Variants in USP31 observed in about 807,000 individuals in gnomAD.
USP31 encodes the protein ubiquitin carboxyl-terminal hydrolase 31.
A neutral mutation model predicts 119.4 loss-of-function variants in USP31; 44 were observed. The ratio of observed to expected loss-of-function variants is 0.37; its 90% CI spans 0.29 to 0.47. The LOEUF (loss-of-function observed/expected upper bound fraction) is 0.47, where lower values mean the gene tolerates loss of function less well. Among genes scored for constraint, USP31 ranks in the 20% least tolerant of loss-of-function variants. USP31 has a pLI of 0.99. For missense variants in USP31, 1,643 were observed against 1,730.2 expected (o/e 0.95, Z 0.89); for synonymous variants, 749 against 705.6 (o/e 1.06, Z -0.97).
Position 23,085,665 on chromosome 16 carries a change from A to G in USP31, c.1623-3T>C. 1 of 1,612,660 alleles carries G rather than the reference A, an allele frequency of 6.2e-7. No homozygotes were observed. The highest frequency in any genetic ancestry group is 8.5e-7 in the Non-Finnish European group (1 of 1,179,126). The stretch of plus-strand genomic sequence containing the variant: ...CTGGTCCACAAGATTTTAATGCCCT[A>G]TAGAACCAGGGAAGTGGAGAGGGAA... On this transcript the variant is annotated splice_region_variant and splice_polypyrimidine_tract_variant and intron_variant, in intron 9 of 15. Coordinates refer to ENST00000219689, the MANE Select transcript of USP31 (RefSeq NM_020718.4).
chr16:23,072,315 C>A (rs577208255), intron 14 of USP31, 118 bp from the exon 15 acceptor site: 4 of 1,385,088 alleles, frequency 2.9e-6, no homozygotes, highest in Non-Finnish European at 4.0e-6. Flanking sequence ...GTCCTCACCC[C>A]GAGGTCAGCA....
rs111474498 is a variant in USP31 at position 23,103,313 on chromosome 16, C to A, written c.1090-850G>T. Among the ~76,000 whole-genome samples, 917 of 151,772 alleles carry A rather than the reference C, an allele frequency of 6.0e-3. 7 individuals carry two copies. Among genetic ancestry groups the A allele is most frequent in the African/African-American group, 0.021 (865 of 41,414 alleles). On this transcript the variant is annotated intron_variant, in intron 5 of 15. Coordinates refer to ENST00000219689, the MANE Select transcript of USP31 (RefSeq NM_020718.4). ...GGATATTTGTATTGAAAAAAAAAATCAACTCAAATGTCCAAAAATACTAAC... is the reference window on the plus strand; with the variant it reads ...GGATATTTGTATTGAAAAAAAAAATAAACTCAAATGTCCAAAAATACTAAC...
At chr16:23,093,917 T>A (rs1901484073) in intron 6 of USP31, among the ~76,000 whole-genome samples, 1 of 152,194 alleles carries the variant, frequency 6.6e-6, no homozygotes, top group Non-Finnish European at 1.5e-5. Context: ...GGTCTGCAGC[T>A]CCCAGCATGA....
At chr16:23,086,916 G>A (rs193235176) in intron 9 of USP31, among the ~76,000 whole-genome samples, 176 bp downstream of exon 9, 1 of 152,114 alleles carries the variant, frequency 6.6e-6, no homozygotes, top group East Asian at 1.9e-4. Flanking sequence ...CTTATTTCAA[G>A]AAAGATCATC....
intron 15 of USP31, among the ~76,000 whole-genome samples, chr16:23,071,025 A>C (rs1900321786): frequency 6.6e-6 from 1 of 152,220 alleles, no homozygotes; most frequent in South Asian, 2.1e-4. Context: ...GGCAGTACTG[A>C]AAATAACCTC....
In USP31 at chr16:23,069,752, G is replaced by C. The variant is rs1057300287; in HGVS notation, c.2489-136C>G. 5 of 1,174,010 alleles carry C rather than the reference G, an allele frequency of 4.3e-6. No individual in the cohort carries two copies. The African/African-American group carries it at 7.8e-5, about 18-fold the overall frequency. The allele number at this position is 1,174,010 out of a possible 1,614,324, so 72.7% of individuals were successfully genotyped here. On this transcript the variant is annotated intron_variant, in intron 15 of 15. Transcript: ENST00000219689. ...TGACCTTCAGAGCCAGCCCATCTGG[G>C]ATCAAGGAGTCCCTGTGTGGCTTTG...
intron 1 of USP31, among the ~76,000 whole-genome samples, chr16:23,129,052 T>C (rs556243958): frequency 1.8e-4 from 28 of 152,326 alleles, no homozygotes; most frequent in African/African-American, 6.5e-4. Flanking sequence ...GGGCTGGTCT[T>C]ACATATGCCT....
rs542478639 is a variant in USP31 at position 23,063,687 on chromosome 16, A to C, written c.*4359T>G. On this transcript the variant is annotated 3_prime_UTR_variant, in exon 16 of 16. Transcript: ENST00000219689. ...TCTTCTACACAATGATGAGTAAGCC[A>C]TATTTTGAAAATCACAAATTTAAAA... 6.6e-6 allele frequency: 1 copy of C among 152,270 alleles called. No individual in the cohort carries two copies. Among genetic ancestry groups the C allele is most frequent in the Admixed American group, 6.5e-5 (1 of 15,272 alleles). The allele number at this position is 152,270 out of a possible 1,614,324, so 9.4% of individuals were successfully genotyped here.
Position 23,108,163 on chromosome 16 carries a change from T to G in USP31, c.654A>C (p.Ala218=). 6.2e-7 allele frequency: 1 copy of G among 1,613,002 alleles called. No individual in the cohort carries two copies. The highest frequency in any genetic ancestry group is 8.5e-7 in the Non-Finnish European group (1 of 1,179,520). Residue 218 remains alanine, a synonymous_variant, in exon 2 of 16, where the codon GCA becomes GCC. Transcript: ENST00000219689. ...RDFKTIVSKN[A]LQYRGNSQHD... ...GTTGGGAATTTCCCCGGTACTGCAG[T>G]GCATTCTTTGACACAATAGTCTATG...
chr16:23,138,418 T>G (rs1484661352), intron 1 of USP31, among the ~76,000 whole-genome samples: 1 of 152,210 alleles, frequency 6.6e-6, no homozygotes, highest in Non-Finnish European at 1.5e-5. Flanking sequence ...AACCAGGTTC[T>G]GTCCCTTCCC....
chr16:23,094,935 A>G (rs544251372), intron 6 of USP31, among the ~76,000 whole-genome samples: 1 of 152,380 alleles, frequency 6.6e-6, no homozygotes, highest in African/African-American at 2.4e-5. Flanking sequence ...TCTAAAAACC[A>G]GAGCACCTCT....
In USP31 at chr16:23,073,825, C is replaced by A. The variant is rs1417887243; in HGVS notation, c.2232G>T (p.Val744=). ...AGACCTCATCTTCTGACAGCTGCTG[C>A]ACATCGCTGTCATCGAAGCAGTACC... ...GLWYCFDDSD[V]QQLSEDEVCT... Residue 744 remains valine (V), a synonymous_variant, in exon 14 of 16, where the codon GTG becomes GTT. Transcript: ENST00000219689. 1 of 1,614,006 alleles carries A rather than the reference C, an allele frequency of 6.2e-7. No individual in the cohort carries two copies. Among genetic ancestry groups the A allele is most frequent in the Non-Finnish European group, 8.5e-7 (1 of 1,180,038 alleles).
intron 6 of USP31, among the ~76,000 whole-genome samples, chr16:23,098,566 A>G (rs1901715430): frequency 6.6e-6 from 1 of 152,208 alleles, no homozygotes; most frequent in Non-Finnish European, 1.5e-5. Flanking sequence ...ACCTAACTTC[A>G]AACTATACTA....
intron 6 of USP31, among the ~76,000 whole-genome samples, chr16:23,100,062 C>T (rs1248564343): frequency 6.6e-6 from 1 of 152,136 alleles, no homozygotes; most frequent in East Asian, 1.9e-4. Flanking sequence ...AACTGGAACC[C>T]TCAAACACTG....
At chr16:23,083,844 T>C (rs144444334) in intron 11 of USP31, among the ~76,000 whole-genome samples, 1 of 151,550 alleles carries the variant, frequency 6.6e-6, no homozygotes, top group African/African-American at 2.4e-5. Context: ...CAGACAAAAA[T>C]AATATTAGGA....
intron 6 of USP31, among the ~76,000 whole-genome samples, chr16:23,096,742 T>C (rs927139981): frequency 6.6e-6 from 1 of 152,206 alleles, no homozygotes; most frequent in African/African-American, 2.4e-5. Context: ...CCTGAATGAC[T>C]ACTGGGTAAA....
rs1004037860 is a variant in USP31, at chr16:23,068,438, C to T, written c.3667G>A (p.Asp1223Asn). The T allele has an allele frequency of 1.2e-6, 2 of 1,613,794 alleles. No individual in the cohort carries two copies. The highest frequency in any genetic ancestry group is 1.7e-6 in the Non-Finnish European group (2 of 1,180,038). Residue 1223 changes from aspartate to asparagine, a missense_variant, in exon 16 of 16, where the codon GAC becomes AAC. This residue lies in a region of USP31 where 699 missense variants were observed against 650.9 expected (regional missense o/e 1.07). Transcript: ENST00000219689. ...GATTTGAAGAAGGACAGCCCCTTGT[C>T]CTCAGACTTGCTGTCCCTCTTCAAA... ...SGLKRDSKSE[D>N]KGLSFFKSAL...
Position 23,069,082 on chromosome 16 carries a change from G to T in USP31, c.3023C>A (p.Ala1008Asp). ...TGCGAGTGAGCCTGGGTGGCTGGGG[G>T]CTTTCACCTCTTTGACTGGAGAGCT... is the stretch of plus-strand genomic sequence containing the variant. Reference protein sequence around the residue: ...VDSSPVKEVKAPSHPGSLAKK... With the variant: ...VDSSPVKEVKDPSHPGSLAKK... Residue 1008 changes from alanine to aspartate, a missense_variant, in exon 16 of 16, where the codon GCC becomes GAC. By Grantham distance (126) the Ala-to-Asp change is moderately radical. Around this residue, in one of 5 missense-constraint regions of USP31, gnomAD observed 699 missense variants for 650.9 expected, o/e 1.07. Coordinates refer to ENST00000219689, the MANE Select transcript of USP31 (RefSeq NM_020718.4). 6.2e-7 allele frequency: 1 copy of T among 1,612,324 alleles called. No individual in the cohort carries two copies. The highest frequency in any genetic ancestry group is 8.5e-7 in the Non-Finnish European group (1 of 1,180,016).
At chr16:23,072,827 A>C (rs1900401586) in intron 14 of USP31, among the ~76,000 whole-genome samples, 1 of 152,078 alleles carries the variant, frequency 6.6e-6, no homozygotes, top group Non-Finnish European at 1.5e-5. Flanking sequence ...TTCTGAGCAC[A>C]TCTGAGACTG....
Sources: allele counts gnomAD v4.1 joint callset (sites outside exome capture counted in the v4.1 genomes callset), GRCh38; gene constraint gnomAD v4.1.1; regional missense constraint gnomAD v4.1.1; transcripts MANE v1.5; gene names NCBI Gene and HGNC (gene_info 2026-07-23, HGNC 2026-07-21).